GABRD: variants seen among roughly 807,000 people sequenced by gnomAD.
GABRD encodes the protein gamma-aminobutyric acid type A receptor subunit delta.
A neutral mutation model predicts 47.3 loss-of-function variants in GABRD; 25 were observed. The ratio of observed to expected loss-of-function variants is 0.53; its 90% CI spans 0.39 to 0.74. The LOEUF (loss-of-function observed/expected upper bound fraction) is 0.74, where lower values mean the gene tolerates loss of function less well. Among genes scored for constraint, GABRD ranks in the 30% least tolerant of loss-of-function variants. The pLI is 0.00. For synonymous variants in GABRD, 314 were observed against 278.8 expected (o/e 1.13, Z -1.26); for missense variants, 497 against 643.4 (o/e 0.77, Z 2.46).
chr1:2,020,160 G>A (rs370597503), intron 1 of GABRD, among the ~76,000 whole-genome samples: 15 of 152,226 alleles, frequency 9.9e-5, no homozygotes, highest in Admixed American at 7.2e-4. Flanking sequence ...AAGAGGCTGA[G>A]AAGGAGGCCC....
At chr1:2,026,293 C>T (rs910287015) in intron 4 of GABRD, among the ~76,000 whole-genome samples, 7 of 152,314 alleles carry the variant, frequency 4.6e-5, no homozygotes, top group South Asian at 2.1e-4. Context: ...CTCAGCATCA[C>T]GTCCTCACGG....
At position 2,028,360 on chromosome 1, in the gene GABRD, C is replaced by T. The variant is rs1455612369; in HGVS notation, c.691+68C>T. On this transcript the variant is annotated intron_variant, in intron 6 of 8. Coordinates refer to ENST00000378585, the MANE Select transcript of GABRD (RefSeq NM_000815.5). This position sits in a 1 kb window ranked among gnomAD's most constrained non-coding sequence, Gnocchi z 6.4. ...CTTCCGCGCGCGCCCACCGCCCCTT[C>T]CGCGCGCGCCCACCGCCCCTTCCGC... 10 of 1,408,978 alleles carry T rather than the reference C, an allele frequency of 7.1e-6. No individual in the cohort carries two copies. The highest frequency in any genetic ancestry group is 1.9e-6 in the Non-Finnish European group (2 of 1,074,808). 87.3% of individuals were successfully genotyped at this position (1,408,978 alleles called of 1,614,324 possible). A position where few individuals can be genotyped will look rare whatever the true frequency, so the allele number is the denominator to read the frequency against.
chr1:2,029,915 T>C, intron 8 of GABRD, 68 bp from the exon 9 acceptor site: 1 of 1,584,676 alleles, frequency 6.3e-7, no homozygotes, highest in South Asian at 1.1e-5. Context: ...TGGGAACACC[T>C]GTGGTCCAGG....
Position 2,030,196 on chromosome 1 carries a change from G to A in GABRD, c.1273G>A (p.Asp425Asn), listed in dbSNP as rs1380198645. 1.5e-5 allele frequency: 23 copies of A among 1,560,188 alleles called. No individual in the cohort carries two copies. Among genetic ancestry groups the A allele is most frequent in the Non-Finnish European group, 1.6e-5 (19 of 1,152,028 alleles). ...IRARLRPIDA[D>N]TIDIYARAVF... Reference sequence around the variant, plus strand: ...TGCCCGGCTCAGGCCCATCGACGCAGACACCATTGACATTTACGCCCGCGC... The same window carrying A: ...TGCCCGGCTCAGGCCCATCGACGCAAACACCATTGACATTTACGCCCGCGC... The change falls in exon 9 of 9, where the codon GAC becomes AAC. Residue 425 changes from aspartate (D) to asparagine (N), a missense_variant. By Grantham distance (23) the Asp-to-Asn change is conservative. This residue lies in a region of GABRD where 121 missense variants were observed against 121.3 expected (regional missense o/e 1.00). Coordinates refer to ENST00000378585, the MANE Select transcript of GABRD (RefSeq NM_000815.5).
chr1:2,029,521 T>A (rs1190178414), intron 7 of GABRD, 30 bp from the exon 8 acceptor site: 1 of 1,609,020 alleles, frequency 6.2e-7, no homozygotes, highest in South Asian at 1.1e-5. Flanking sequence ...AGGGCAGGGC[T>A]ACGACAATGG....
At chr1:2,025,839 T>C in intron 4 of GABRD, 101 bp downstream of exon 4, 1 of 1,045,538 alleles carries the variant, frequency 9.6e-7, no homozygotes, top group Non-Finnish European at 1.4e-6. Flanking sequence ...CGGCTTCTGC[T>C]GCCGGGAGCT....
At chr1:2,022,816 G>A (rs1489520888) in intron 1 of GABRD, among the ~76,000 whole-genome samples, 1 of 152,212 alleles carries the variant, frequency 6.6e-6, no homozygotes, top group Non-Finnish European at 1.5e-5. Flanking sequence ...CCTGGATGCT[G>A]CCTCCAGCTG....
chr1:2,029,232 C>A lies in GABRD; in HGVS notation c.813C>A (p.Ile271=), dbSNP rs1659015382. The A allele has an allele frequency of 5.7e-6, 9 of 1,572,118 alleles. 1 individual carries two copies. In the East Asian group the frequency reaches 1.9e-4, roughly 33 times the overall value. ...CCATGTCCTGGGTCTCCTTCTGGAT[C>A]AGCCAGGCGGCGGTGCCCGCCAGGG... The part of the protein sequence containing the change: ...LVAMSWVSFW[I]SQAAVPARVS... The change falls in exon 7 of 9, where the codon ATC becomes ATA. Residue 271 remains isoleucine, a synonymous_variant. Transcript: ENST00000378585.
Position 2,028,393 on chromosome 1 carries a change from C to T in GABRD, c.691+101C>T, listed in dbSNP as rs1409309824. Reference sequence around the variant, plus strand: ...GCCCACCGCCCCTTCCGCGTGCGCCCGCCTGTGGTTTTCATGCTTTTTAGT... The same window carrying T: ...GCCCACCGCCCCTTCCGCGTGCGCCTGCCTGTGGTTTTCATGCTTTTTAGT... On this transcript the variant is annotated intron_variant, in intron 6 of 8. Transcript: ENST00000378585. This position sits in a 1 kb window ranked among gnomAD's most constrained non-coding sequence, Gnocchi z 6.4. The T allele has an allele frequency of 6.8e-5, 85 of 1,246,290 alleles. No individual in the cohort carries two copies. Among genetic ancestry groups the T allele is most frequent in the Admixed American group, 8.5e-5 (2 of 23,604 alleles). The allele number at this position is 1,246,290 out of a possible 1,614,324, so 77.2% of individuals were successfully genotyped here.
rs1659060683 is a variant in GABRD, at chr1:2,030,495, C to T, written c.*213C>T. The T allele has an allele frequency of 2.4e-6, 1 of 420,950 alleles. No individual in the cohort carries two copies. The highest frequency in any genetic ancestry group is 4.2e-6 in the Non-Finnish European group (1 of 240,074). The allele number at this position is 420,950 out of a possible 1,614,324, so 26.1% of individuals were successfully genotyped here. A position where few individuals can be genotyped will look rare whatever the true frequency, so the allele number is the denominator to read the frequency against. On this transcript the variant is annotated 3_prime_UTR_variant, in exon 9 of 9. Coordinates refer to ENST00000378585, the MANE Select transcript of GABRD (RefSeq NM_000815.5). ...CAGCCTGGGGCTCTCCGGCAGGCAG[C>T]CCGAGACCTGCACAGATGAAGGAGC...
rs1298701756 is a variant in GABRD at position 2,025,419 on chromosome 1, C to A, written c.249+18C>A. On this transcript the variant is annotated intron_variant, in intron 3 of 8. Coordinates refer to ENST00000378585, the MANE Select transcript of GABRD (RefSeq NM_000815.5). ...CCAACATGGTAGGTGCCACCAGCCT[C>A]TGCCTCAGGCACGGTGGGTGCCCAC... 1 of 1,612,768 alleles carries A rather than the reference C, an allele frequency of 6.2e-7. No individual in the cohort carries two copies. Among genetic ancestry groups the A allele is most frequent in the Non-Finnish European group, 8.5e-7 (1 of 1,179,942 alleles).
chr1:2,029,945 A>C (rs767843813), intron 8 of GABRD, 38 bp from the exon 9 acceptor site: 1 of 1,607,128 alleles, frequency 6.2e-7, no homozygotes, highest in South Asian at 1.1e-5. Context: ...GCTGCACCCC[A>C]GTGCTCAGCC....
chr1:2,026,833 CAA>C (rs36009212), intron 4 of GABRD: 119 of 130,176 alleles, frequency 9.1e-4, no homozygotes, highest in East Asian at 3.1e-3. Context: ...GACTCCATCT[CAA>C]AAAAAAAAAA....
intron 1 of GABRD, among the ~76,000 whole-genome samples, chr1:2,020,402 C>G (rs950032661): frequency 6.6e-6 from 1 of 152,224 alleles, no homozygotes; most frequent in Non-Finnish European, 1.5e-5. Context: ...TCTCAGAGAC[C>G]GTGAAGATGT....
intron 1 of GABRD, among the ~76,000 whole-genome samples, chr1:2,019,899 C>T (rs1484535121): frequency 6.6e-6 from 1 of 152,198 alleles, no homozygotes; most frequent in Non-Finnish European, 1.5e-5. Context: ...GGGGAGGCTG[C>T]TCCCTTTGCG....
intron 1 of GABRD, among the ~76,000 whole-genome samples, chr1:2,022,758 C>T (rs371769380): frequency 1.2e-4 from 18 of 152,380 alleles, no homozygotes; most frequent in Middle Eastern, 6.8e-3. Flanking sequence ...CCGGGCCACT[C>T]CTGGGGGTCC....
intron 2 of GABRD, 117 bp downstream of exon 2, chr1:2,025,171 G>A: frequency 8.7e-6 from 11 of 1,259,498 alleles, no homozygotes; most frequent in Admixed American, 1.9e-5. Flanking sequence ...GCTCTCCCCT[G>A]GGGGGCTCCA....
At chr1:2,020,874 C>A (rs1658753989) in intron 1 of GABRD, among the ~76,000 whole-genome samples, 2 of 152,344 alleles carry the variant, frequency 1.3e-5, no homozygotes, top group South Asian at 4.1e-4. Flanking sequence ...CTTTATTAAT[C>A]CTACTTCTGG....
At chr1:2,025,281 G>T (rs1362213103) in intron 2 of GABRD, 53 bp from the exon 3 acceptor site, 13 of 1,601,414 alleles carry the variant, frequency 8.1e-6, no homozygotes, top group Non-Finnish European at 1.1e-5. Flanking sequence ...TCCCATCGTG[G>T]CTCCCATGCT....
Sources: allele counts gnomAD v4.1 joint callset (sites outside exome capture counted in the v4.1 genomes callset), GRCh38; gene constraint gnomAD v4.1.1; regional missense constraint gnomAD v4.1.1; non-coding constraint Gnocchi (gnomAD v3.1); transcripts MANE v1.5; gene names NCBI Gene and HGNC (gene_info 2026-07-23, HGNC 2026-07-21).